The following DRC7 variants were observed in gnomAD, a reference collection of about 807,000 sequenced individuals.
The protein encoded by DRC7 is dynein regulatory complex subunit 7.
Under a neutral mutation model 104.4 loss-of-function variants are expected in DRC7, and 80 were observed. That is an observed-to-expected ratio of 0.77 (90% CI 0.64 to 0.92). DRC7 has a LOEUF of 0.92. Among genes scored for constraint, DRC7 ranks in the 40% least tolerant of loss-of-function variants. The pLI is 0.00. For synonymous variants in DRC7, 405 were observed against 447.3 expected, an observed-to-expected ratio of 0.91 and a Z score of 1.19; for missense variants, 1,034 against 1,141.1, an observed-to-expected ratio of 0.91 and a Z score of 1.35.
At position 57,699,000 on chromosome 16, in the gene DRC7, C is replaced by A. The variant is rs770372710; in HGVS notation, c.354C>A (p.His118Gln). 5 of 1,614,114 alleles carry A rather than the reference C, an allele frequency of 3.1e-6. No individual in the cohort carries two copies. The South Asian group carries it at 3.3e-5, about 11-fold the overall frequency. The change falls in exon 4 of 19, where the codon CAC becomes CAA. Residue 118 changes from histidine (H) to glutamine (Q), a missense_variant. By Grantham distance (24) the His-to-Gln change is conservative. Coordinates refer to ENST00000360716, the MANE Select transcript of DRC7 (RefSeq NM_001289162.2). ...CGGACCGCGTGCCCCTCTTCCTGCA[C>A]CCCCTGAACGAGTGTGAAGTGCCCG... ...LCPDRVPLFLHPLNECEVPKF... is the reference protein window; with the variant it reads ...LCPDRVPLFLQPLNECEVPKF...
intron 8 of DRC7, among the ~76,000 whole-genome samples, chr16:57,714,492 GGCAT>G (rs1347094142): frequency 6.6e-6 from 1 of 152,092 alleles, no homozygotes; most frequent in African/African-American, 2.4e-5. Context: ...CAGGCATGAT[GGCAT>G]GCACCTGTAG....
At chr16:57,708,371 A>G (rs1478807321) in intron 8 of DRC7, among the ~76,000 whole-genome samples, 1 of 152,200 alleles carries the variant, frequency 6.6e-6, no homozygotes, top group Admixed American at 6.5e-5. Flanking sequence ...CAGTGATTCA[A>G]TACTCTTACT....
At chr16:57,703,200 CAAA>C (rs71152293) in intron 6 of DRC7, among the ~76,000 whole-genome samples, 5 of 62,918 alleles carry the variant, frequency 7.9e-5, no homozygotes, top group Admixed American at 3.7e-4. Context: ...TTTTTAATAG[CAAA>C]AAAAAAAAAA....
In DRC7 at chr16:57,701,965, G is replaced by C; in HGVS notation, c.534G>C (p.Val178=). 1 of 1,614,138 alleles carries C rather than the reference G, an allele frequency of 6.2e-7. No homozygotes were observed. Among genetic ancestry groups the C allele is most frequent in the African/African-American group, 1.3e-5 (1 of 75,046 alleles). Residue 178 remains valine, a synonymous_variant, in exon 6 of 19, where the codon GTG becomes GTC. Coordinates refer to ENST00000360716, the MANE Select transcript of DRC7 (RefSeq NM_001289162.2). ...CGCACCTGTACTCCTCGACCACTGT[G>C]CTCAAGTACCAGAAGGGGAACTGCT... is the stretch of plus-strand genomic sequence containing the variant. ...PPSHLYSSTT[V]LKYQKGNCFD...
At chr16:57,726,597 G>C (rs2148771709) in intron 14 of DRC7, 1 of 557,926 alleles carries the variant, frequency 1.8e-6, no homozygotes, top group East Asian at 3.0e-5. Context: ...TGAGGGGCTA[G>C]CTTTCCTAGT....
chr16:57,726,319 G>A (rs747619038), intron 14 of DRC7, 36 bp downstream of exon 14: 3 of 1,571,440 alleles, frequency 1.9e-6, no homozygotes, highest in Non-Finnish European at 2.6e-6. Flanking sequence ...GGGGTCGGCT[G>A]CAGGAGGAAC....
chr16:57,700,157 A>C lies in DRC7; in HGVS notation c.391A>C (p.Thr131Pro), dbSNP rs1279277510. 6.2e-7 allele frequency: 1 copy of C among 1,613,880 alleles called. No homozygotes were observed. Among genetic ancestry groups the C allele is most frequent in the African/African-American group, 1.3e-5 (1 of 75,036 alleles). The part of the protein sequence containing the change: ...NECEVPKFVS[T>P]TLRPTLMPYP... ...TCTCTCCTTGCAGAAGTTCGTGAGC[A>C]CAACCCTCCGGCCCACACTGATGCC... Residue 131 changes from threonine (T) to proline (P), a missense_variant, in exon 5 of 19, where the codon ACA becomes CCA. Coordinates refer to ENST00000360716, the MANE Select transcript of DRC7 (RefSeq NM_001289162.2).
At chr16:57,716,201 G>A (rs1473100685) in intron 8 of DRC7, among the ~76,000 whole-genome samples, 1 of 152,088 alleles carries the variant, frequency 6.6e-6, no homozygotes, top group African/African-American at 2.4e-5. Context: ...CAAAATTTAG[G>A]CCAAGAGTGC....
chr16:57,706,274 T>C, intron 7 of DRC7, among the ~76,000 whole-genome samples: 1 of 91,818 alleles, frequency 1.1e-5, no homozygotes, highest in African/African-American at 4.2e-5. Flanking sequence ...CTATCCATCC[T>C]CCCATCCATT....
intron 8 of DRC7, among the ~76,000 whole-genome samples, chr16:57,716,501 T>TG (rs1555574149): frequency 1.7e-5 from 2 of 119,490 alleles, no homozygotes; most frequent in South Asian, 2.6e-4. Flanking sequence ...AGACTCCATC[T>TG]GAAAAAAAAA....
intron 6 of DRC7, among the ~76,000 whole-genome samples, chr16:57,703,577 C>T (rs2048681520): frequency 6.6e-6 from 1 of 152,164 alleles, no homozygotes; most frequent in African/African-American, 2.4e-5. Context: ...AAGGGCGAGA[C>T]AGAAGGGGAA....
At chr16:57,728,018 T>C (rs186962168) in intron 16 of DRC7, among the ~76,000 whole-genome samples, 3 of 152,340 alleles carry the variant, frequency 2.0e-5, no homozygotes, top group Admixed American at 2.0e-4. Context: ...TGAAGGGAGT[T>C]ACTGGCAGTT....
intron 13 of DRC7, chr16:57,725,536 T>C (rs1354566276): frequency 6.4e-6 from 1 of 155,898 alleles, no homozygotes; most frequent in Non-Finnish European, 1.4e-5. Context: ...TATGTAAAAA[T>C]GTAGAGAAAA....
At chr16:57,712,603 G>A (rs1266231390) in intron 8 of DRC7, among the ~76,000 whole-genome samples, 10 of 151,694 alleles carry the variant, frequency 6.6e-5, no homozygotes, top group Admixed American at 2.6e-4. Flanking sequence ...CTTACTTTGA[G>A]CTTCATTTAC....
chr16:57,698,764 G>A, intron 3 of DRC7, 86 bp from the exon 4 acceptor site: 1 of 1,282,242 alleles, frequency 7.8e-7, no homozygotes, highest in South Asian at 1.3e-5. Flanking sequence ...AAATGAGGAA[G>A]GGGTAGAGCC....
rs115764969 is a variant in DRC7 at position 57,718,408 on chromosome 16, A to G, written c.1139A>G (p.Lys380Arg). ...RWEYMLLGTD[K>R]SQLSLTEEDD... ...GAGTACATGCTCCTGGGGACTGATA[A>G]GTCTCAGCTGTCCTTGACTGAAGAA... is the stretch of plus-strand genomic sequence containing the variant. The change falls in exon 9 of 19, where the codon AAG becomes AGG. Residue 380 changes from lysine to arginine, a missense_variant. Coordinates refer to ENST00000360716, the MANE Select transcript of DRC7 (RefSeq NM_001289162.2). 6.2e-7 allele frequency: 1 copy of G among 1,614,150 alleles called. No individual in the cohort carries two copies. Among genetic ancestry groups the G allele is most frequent in the African/African-American group, 1.3e-5 (1 of 75,036 alleles).
Position 57,699,355 on chromosome 16 carries a change from G to A in DRC7, c.378+331G>A, listed in dbSNP as rs145325804. Among the ~76,000 whole-genome samples the A allele has an allele frequency of 1.4e-4, 21 of 152,334 alleles. No individual in the cohort carries two copies. In the East Asian group the frequency reaches 4.1e-3, roughly 29 times the overall value. ...GTGTGGGAGTCTCTGGTTTTTAAATGCTGGCAGCTGACATAAATGCTAAAC... is the reference window on the plus strand; with the variant it reads ...GTGTGGGAGTCTCTGGTTTTTAAATACTGGCAGCTGACATAAATGCTAAAC... On this transcript the variant is annotated intron_variant, in intron 4 of 18. Transcript: ENST00000360716.
At position 57,698,874 on chromosome 16, in the gene DRC7, C is replaced by G; in HGVS notation, c.228C>G (p.Asp76Glu). Residue 76 changes from aspartate (D) to glutamate (E), a missense_variant, in exon 4 of 19, where the codon GAC becomes GAG. By Grantham distance (45) the Asp-to-Glu change is conservative. Coordinates refer to ENST00000360716, the MANE Select transcript of DRC7 (RefSeq NM_001289162.2). Reference protein sequence around the residue: ...ELPAFTKDTIDISKLPISYKT... With the variant: ...ELPAFTKDTIEISKLPISYKT... ...GGGCCTTTACCAAGGACACTATTGA[C>G]ATCTCCAAGCTGCCCATTTCCTACA... is the stretch of plus-strand genomic sequence containing the variant. 1.9e-6 allele frequency: 3 copies of G among 1,614,050 alleles called. No individual in the cohort carries two copies. The highest frequency in any genetic ancestry group is 2.5e-6 in the Non-Finnish European group (3 of 1,179,948).
chr16:57,729,383 T>C lies in DRC7; in HGVS notation c.2391+799T>C, dbSNP rs557935150. ...GTGAGTGGGCAGATGGATGAATGGG[T>C]GAGTGGATGGATGAGTGGGCGGGTG... On this transcript the variant is annotated intron_variant, in intron 17 of 18. Coordinates refer to ENST00000360716, the MANE Select transcript of DRC7 (RefSeq NM_001289162.2). 5.2e-3 allele frequency among the ~76,000 whole-genome samples: 732 copies of C among 140,592 alleles called. 3 individuals carry two copies. Among genetic ancestry groups the C allele is most frequent in the Non-Finnish European group, 8.9e-3 (581 of 65,098 alleles). 92.2% of individuals were successfully genotyped at this position (140,592 alleles called of 152,430 possible). A position where few individuals can be genotyped will look rare whatever the true frequency, so the allele number is the denominator to read the frequency against.
Sources: allele counts gnomAD v4.1 joint callset (sites outside exome capture counted in the v4.1 genomes callset), GRCh38; gene constraint gnomAD v4.1.1; transcripts MANE v1.5; gene names NCBI Gene and HGNC (gene_info 2026-07-23, HGNC 2026-07-21).